Variants in KHDC1 observed in about 807,000 individuals in gnomAD.
The protein encoded by KHDC1 is KH homology domain-containing protein 1.
Under a neutral mutation model 24.7 loss-of-function variants are expected in KHDC1, and 21 were observed. The ratio of observed to expected loss-of-function variants is 0.85; its 90% CI spans 0.60 to 1.23. The LOEUF is 1.23. Ranked by LOEUF, KHDC1 falls within the 50% of genes most tolerant of loss-of-function variation. KHDC1 has a pLI of 0.00. For missense variants in KHDC1, 274 were observed against 298.5 expected, an observed-to-expected ratio of 0.92 and a Z score of 0.61; for synonymous variants, 98 against 111.7, an observed-to-expected ratio of 0.88 and a Z score of 0.77.
chr6:73,242,479 C>A, exon 3 of KHDC1: 1 of 1,614,174 alleles, frequency 6.2e-7, no homozygotes, highest in Non-Finnish European at 8.5e-7. Context: ...GCAGGGTCCA[C>A]CACGGCTTCT....
At chr6:73,248,589 A>C (rs1387148066) in intron 2 of KHDC1, among the ~76,000 whole-genome samples, 1 of 152,244 alleles carries the variant, frequency 6.6e-6, no homozygotes, top group Non-Finnish European at 1.5e-5. Context: ...ATTAGAGTAC[A>C]GAATGCAATT....
chr6:73,292,271 A>G (rs759791750), intron 1 of KHDC1: 111 of 1,305,608 alleles, frequency 8.5e-5, no homozygotes, highest in Non-Finnish European at 1.2e-4. Flanking sequence ...GACAAGGCAA[A>G]TGCGGTCAAC....
intron 2 of KHDC1, among the ~76,000 whole-genome samples, chr6:73,279,888 T>A (rs1297761636): frequency 2.0e-5 from 3 of 152,140 alleles, no homozygotes; most frequent in African/African-American, 7.2e-5. Context: ...GATGAGGTAT[T>A]ATTACATCAT....
intron 1 of KHDC1, chr6:73,300,673 C>G (rs1767857087): frequency 1.3e-5 from 2 of 152,148 alleles, no homozygotes. Context: ...AGGATTCACT[C>G]CCCCATGTGG....
intron 1 of KHDC1, among the ~76,000 whole-genome samples, chr6:73,298,001 G>T (rs746482047): frequency 6.6e-6 from 1 of 152,040 alleles, no homozygotes; most frequent in Non-Finnish European, 1.5e-5. Flanking sequence ...GACCAGCCTC[G>T]CCAACATGGT....
intron 1 of KHDC1, chr6:73,292,342 T>C (rs545223390): frequency 4.4e-5 from 38 of 856,726 alleles, no homozygotes; most frequent in Non-Finnish European, 7.2e-5. Context: ...GGCAGGAGTA[T>C]TTAGATACAT....
chr6:73,307,622 C>T (rs1398072156), intron 1 of KHDC1, among the ~76,000 whole-genome samples: 1 of 152,118 alleles, frequency 6.6e-6, no homozygotes, highest in Non-Finnish European at 1.5e-5. Flanking sequence ...GCAGGCTTTC[C>T]GCAAGCAACG....
At position 73,290,106 on chromosome 6, in the gene KHDC1, CAAAAA is replaced by C. The variant is rs140342387; in HGVS notation, c.206+1887_206+1891del. Among the ~76,000 whole-genome samples the C allele has an allele frequency of 3.3e-3, 288 of 86,460 alleles. 3 individuals are homozygous for C. The highest frequency in any genetic ancestry group is 4.4e-3 in the Non-Finnish European group (211 of 48,118). The allele number at this position is 86,460 out of a possible 152,430, so 56.7% of individuals were successfully genotyped here. A position where few individuals can be genotyped will look rare whatever the true frequency, so the allele number is the denominator to read the frequency against. ...TGGGCAACAGAGCGAGACTCCGTCT[CAAAAA>C]AAAAAAAAAAAAAAAATTAGCCAGG... On this transcript the variant is annotated intron_variant, in intron 2 of 4. Transcript: ENST00000370384.
intron 2 of KHDC1, among the ~76,000 whole-genome samples, chr6:73,243,628 G>A (rs1426872870): frequency 6.6e-6 from 1 of 152,196 alleles, no homozygotes; most frequent in Admixed American, 6.5e-5. Flanking sequence ...CCTAGCAACA[G>A]GTTGCAAAGA....
intron 1 of KHDC1, among the ~76,000 whole-genome samples, chr6:73,297,852 T>C (rs1480415306): frequency 6.6e-6 from 1 of 152,108 alleles, no homozygotes; most frequent in East Asian, 1.9e-4. Flanking sequence ...ATAACTTGAG[T>C]CTTCAAGGTT....
At chr6:73,256,174 GAAT>G (rs1304678596) in intron 2 of KHDC1, among the ~76,000 whole-genome samples, 1 of 152,014 alleles carries the variant, frequency 6.6e-6, no homozygotes, top group East Asian at 1.9e-4. Context: ...TTCAATATTA[GAAT>G]AAATTGCTAG....
chr6:73,294,256 A>AT (rs1474781432), intron 1 of KHDC1, among the ~76,000 whole-genome samples: 2 of 152,150 alleles, frequency 1.3e-5, no homozygotes, highest in African/African-American at 4.8e-5. Flanking sequence ...CTGTGTCCCC[A>AT]GCATAAACAG....
intron 2 of KHDC1, 137 bp from the exon 2 acceptor site, chr6:73,242,667 C>T: frequency 1.1e-6 from 1 of 939,038 alleles, no homozygotes; most frequent in Middle Eastern, 2.5e-4. Context: ...GTGTACAATC[C>T]CGGTATCTCT....
chr6:73,301,880 C>T (rs1767884855), intron 1 of KHDC1, among the ~76,000 whole-genome samples: 1 of 151,822 alleles, frequency 6.6e-6, no homozygotes. Flanking sequence ...AATCCTGCCT[C>T]AGCCTCCCAA....
intron 1 of KHDC1, chr6:73,309,505 C>T: frequency 6.8e-7 from 1 of 1,475,388 alleles, no homozygotes; most frequent in Non-Finnish European, 9.0e-7. Context: ...TTTCCGGGCA[C>T]CTGGGTGAAG....
intron 2 of KHDC1, among the ~76,000 whole-genome samples, chr6:73,250,543 C>G (rs1460303533): frequency 6.6e-6 from 1 of 152,230 alleles, no homozygotes; most frequent in Non-Finnish European, 1.5e-5. Context: ...AATTTGAGCC[C>G]TTGGCATAAT....
At chr6:73,290,774 G>A (rs765205547) in intron 2 of KHDC1, 1 of 342,642 alleles carries the variant, frequency 2.9e-6, no homozygotes, top group Non-Finnish European at 5.7e-6. Flanking sequence ...ATCTTCTGGT[G>A]GTTACTGATT....
exon 1 of KHDC1, chr6:73,309,895 T>C: frequency 1.6e-6 from 1 of 609,334 alleles, no homozygotes; most frequent in Non-Finnish European, 2.7e-6. Context: ...ATGCACAGTC[T>C]AGGTGGATTA....
chr6:73,282,579 A>T (rs1271414869), intron 2 of KHDC1, among the ~76,000 whole-genome samples: 1 of 152,154 alleles, frequency 6.6e-6, no homozygotes, highest in Non-Finnish European at 1.5e-5. Context: ...CAAGGTTAGA[A>T]ATTATAGTTT....
Sources: gnomAD v4.1 joint callset for allele counts (sites outside exome capture counted in the v4.1 genomes callset) on GRCh38, gnomAD v4.1.1 for gene constraint, MANE v1.5 for transcripts, NCBI Gene and HGNC (gene_info 2026-07-23, HGNC 2026-07-21) for gene names.